Variants in CENPF observed in about 807,000 individuals in gnomAD.
The protein encoded by CENPF is centromere protein F.
CENPF carries 214 observed loss-of-function variants against 307.3 expected under a neutral mutation model. That is an observed-to-expected ratio of 0.70 (90% confidence interval 0.62 to 0.78). CENPF has a LOEUF of 0.78. CENPF is among the 30% of genes least tolerant of loss of function. The pLI, the probability that CENPF is intolerant of heterozygous loss-of-function variation, is 0.00. For synonymous variants in CENPF, 1,259 were observed against 1,270.6 expected (o/e 0.99, Z 0.19); for missense variants, 3,401 against 3,483.9 (o/e 0.98, Z 0.60).
chr1:214,609,829 A>G (rs934300608), intron 1 of CENPF, among the ~76,000 whole-genome samples: 2 of 152,138 alleles, frequency 1.3e-5, no homozygotes, highest in Admixed American at 6.5e-5. Context: ...GCTAAGGATA[A>G]TGGCCTCTAA....
chr1:214,618,269 C>G lies in CENPF; in HGVS notation c.360-304C>G, dbSNP rs2807665. Among the ~76,000 whole-genome samples, 4,205 of 152,242 alleles carry G rather than the reference C, an allele frequency of 0.028. 199 individuals are homozygous for G. The highest frequency in any genetic ancestry group is 0.096 in the African/African-American group (3,986 of 41,520). ...GATGAGATTTGGGTGGGAACACAGCCAAACCATATCACTGTCATAGTGGTT... is the reference window on the plus strand; with the variant it reads ...GATGAGATTTGGGTGGGAACACAGCGAAACCATATCACTGTCATAGTGGTT... On this transcript the variant is annotated intron_variant, in intron 3 of 19. Transcript: ENST00000366955.
chr1:214,618,421 T>C, intron 3 of CENPF, 152 bp from the exon 4 acceptor site: 1 of 937,972 alleles, frequency 1.1e-6, no homozygotes, highest in Non-Finnish European at 1.6e-6. Context: ...AGTTAGACCT[T>C]ATGAAATGCC....
chr1:214,623,390 A>G (rs1472584322), intron 7 of CENPF, among the ~76,000 whole-genome samples: 1 of 152,172 alleles, frequency 6.6e-6, no homozygotes, highest in Non-Finnish European at 1.5e-5. Context: ...TGCAAACACT[A>G]TACCATTTTA....
At position 214,630,789 on chromosome 1, in the gene CENPF, A is replaced by G. The variant is rs1006807532; in HGVS notation, c.1323+127A>G. The G allele has an allele frequency of 4.1e-6, 5 of 1,212,496 alleles. No individual in the cohort carries two copies. In the African/African-American group the frequency reaches 4.6e-5, roughly 11 times the overall value. The allele number at this position is 1,212,496 out of a possible 1,614,324, so 75.1% of individuals were successfully genotyped here. A position where few individuals can be genotyped will look rare whatever the true frequency, so the allele number is the denominator to read the frequency against. Reference sequence around the variant, plus strand: ...GCGCTCCACCTTCACTTTCCCTATCAAAGTGGAGAATGTACAGAACCATTC... The same window carrying G: ...GCGCTCCACCTTCACTTTCCCTATCGAAGTGGAGAATGTACAGAACCATTC... On this transcript the variant is annotated intron_variant, in intron 9 of 19. Transcript: ENST00000366955.
rs374794774 is a variant in CENPF, at chr1:214,615,216, G to A, written c.359+188G>A. On this transcript the variant is annotated intron_variant, in intron 3 of 19. Transcript: ENST00000366955. ...TTAAAAACAAACAAACAGTGATTTG[G>A]TTTTATCATTGCATAGCTCAGTACG... 4 of 453,434 alleles carry A rather than the reference G, an allele frequency of 8.8e-6. No homozygotes were observed. In the Admixed American group the frequency reaches 1.6e-4, roughly 18 times the overall value. 28.1% of individuals were successfully genotyped at this position (453,434 alleles called of 1,614,324 possible). A position where few individuals can be genotyped will look rare whatever the true frequency, so the allele number is the denominator to read the frequency against.
rs183326293 is a variant in CENPF, at chr1:214,617,345, G to A, written c.360-1228G>A. On this transcript the variant is annotated intron_variant, in intron 3 of 19. Transcript: ENST00000366955. ...TTACAGGCATGAGCCACTGGGCCCG[G>A]CATTACTTTCTTTACTTCCTGTTTT... is the stretch of plus-strand genomic sequence containing the variant. Among the ~76,000 whole-genome samples the A allele has an allele frequency of 2.7e-3, 405 of 152,258 alleles. 1 individual carries two copies. The highest frequency in any genetic ancestry group is 4.4e-3 in the Non-Finnish European group (300 of 68,022).
rs756840060 is a variant in CENPF at position 214,646,673 on chromosome 1, C to A, written c.7103C>A (p.Thr2368Asn). The change falls in exon 13 of 20, where the codon ACC (threonine) becomes AAC (asparagine). Residue 2368 changes from threonine (T) to asparagine (N), a missense_variant. By Grantham distance (65) the Thr-to-Asn change is moderately conservative (BLOSUM62 0). Coordinates refer to ENST00000366955, the MANE Select transcript of CENPF (RefSeq NM_016343.4). Reference protein sequence around the residue: ...EAENSKGEVETLKAKIEGMTQ... With the variant: ...EAENSKGEVENLKAKIEGMTQ... ...GAGAATTCCAAAGGAGAGGTAGAGA[C>A]CCTAAAAGCAAAAATAGAAGGGATG... The A allele has an allele frequency of 5.6e-6, 9 of 1,613,558 alleles. No individual in the cohort carries two copies. Among genetic ancestry groups the A allele is most frequent in the South Asian group, 2.2e-5 (2 of 91,046 alleles).
In CENPF at chr1:214,644,481, A is replaced by C. The variant is rs1380525651; in HGVS notation, c.4987-76A>C. ...AGAGGCCACGCATCAGTTTCTAAAA[A>C]GTAATAACTAAATCTATTCTATTTT... On this transcript the variant is annotated intron_variant, in intron 12 of 19. Coordinates refer to ENST00000366955, the MANE Select transcript of CENPF (RefSeq NM_016343.4). 1.0e-5 allele frequency: 14 copies of C among 1,391,526 alleles called. No individual in the cohort carries two copies. The African/African-American group carries it at 2.0e-4, about 20-fold the overall frequency. The allele number at this position is 1,391,526 out of a possible 1,614,324, so 86.2% of individuals were successfully genotyped here. A position where few individuals can be genotyped will look rare whatever the true frequency, so the allele number is the denominator to read the frequency against.
In CENPF at chr1:214,651,799, A is replaced by C. The variant is rs1558189573; in HGVS notation, c.8073A>C (p.Lys2691Asn). Residue 2691 changes from lysine to asparagine, a missense_variant, in exon 15 of 20, where the codon AAA becomes AAC. Lys to Asn is a moderately conservative substitution (Grantham distance 94). Coordinates refer to ENST00000366955, the MANE Select transcript of CENPF (RefSeq NM_016343.4). ...MHKDQVEKEG[K>N]VREEIAEYQL... is the part of the protein sequence containing the mutation. ...AAGACCAGGTGGAAAAGGAAGGGAA[A>C]GTGAGAGAGGAAATAGCTGAATATC... The C allele has an allele frequency of 1.2e-6, 2 of 1,613,798 alleles. No homozygotes were observed. The highest frequency in any genetic ancestry group is 1.7e-5 in the Admixed American group (1 of 59,950).
Position 214,646,125 on chromosome 1 carries a change from G to A in CENPF, c.6555G>A (p.Glu2185=). Reference sequence around the variant, plus strand: ...CCGAGAATTCCAAAGCAGAAGTAGAGACTCTAAAAACACAAATAGAAGAGA... The same window carrying A: ...CCGAGAATTCCAAAGCAGAAGTAGAAACTCTAAAAACACAAATAGAAGAGA... The part of the protein sequence containing the change: ...LDAENSKAEV[E]TLKTQIEEMA... The change falls in exon 13 of 20, where the codon GAG becomes GAA. Residue 2185 remains glutamate, a synonymous_variant. Transcript: ENST00000366955. The A allele has an allele frequency of 2.5e-6, 4 of 1,614,042 alleles. No individual in the cohort carries two copies. Among genetic ancestry groups the A allele is most frequent in the Non-Finnish European group, 3.4e-6 (4 of 1,180,030 alleles).
At chr1:214,663,504 T>G (rs1396055665) in intron 19 of CENPF, 87 bp from the exon 20 acceptor site, 24 of 1,321,588 alleles carry the variant, frequency 1.8e-5, no homozygotes, top group Non-Finnish European at 2.3e-5. Context: ...AGAACTTAAT[T>G]TAAAACTTAG....
At chr1:214,650,203 T>C (rs11801893) in intron 14 of CENPF, among the ~76,000 whole-genome samples, 8 of 151,952 alleles carry the variant, frequency 5.3e-5, no homozygotes, top group African/African-American at 1.9e-4. Flanking sequence ...CAGGCAGTGG[T>C]GGGGAGCCTT....
Position 214,651,774 on chromosome 1 carries a change from A to G in CENPF, c.8048A>G (p.Lys2683Arg), listed in dbSNP as rs376688044. ...ELKKSLDCMH[K>R]DQVEKEGKVR... ...AAGAAGAGCCTAGATTGCATGCACA[A>G]AGACCAGGTGGAAAAGGAAGGGAAA... The change falls in exon 15 of 20, where the codon AAA (lysine) becomes AGA (arginine). Residue 2683 changes from lysine (K) to arginine (R), a missense_variant. By Grantham distance (26) the Lys-to-Arg change is conservative (BLOSUM62 2). Transcript: ENST00000366955. 23 of 1,613,552 alleles carry G rather than the reference A, an allele frequency of 1.4e-5. No homozygotes were observed. Among genetic ancestry groups the G allele is most frequent in the African/African-American group, 2.7e-5 (2 of 74,976 alleles).
chr1:214,657,889 A>G (rs537539646), intron 18 of CENPF, among the ~76,000 whole-genome samples: 14 of 152,256 alleles, frequency 9.2e-5, no homozygotes, highest in Non-Finnish European at 1.9e-4. Context: ...ACTGTTTGTT[A>G]TTGGTTCCCA....
At chr1:214,648,359 T>C (rs2102570345) in intron 13 of CENPF, 3 of 447,054 alleles carry the variant, frequency 6.7e-6, no homozygotes, top group South Asian at 5.7e-5. Flanking sequence ...TGCCTGATAA[T>C]GATAATCTTT....
At chr1:214,638,125 G>A (rs768507102) in intron 11 of CENPF, 124 bp downstream of exon 11, 4 of 993,200 alleles carry the variant, frequency 4.0e-6, no homozygotes, top group Non-Finnish European at 5.7e-6. Flanking sequence ...TCAAAAAGAT[G>A]TGCGCAGTTG....
Position 214,652,896 on chromosome 1 carries a change from G to A in CENPF, c.8229G>A (p.Lys2743=), listed in dbSNP as rs141235225. ...AAGAAGAATGTCTCAGTTCACAGAA[G>A]CTGGAGATAGACCTTTTAAAGTCTA... ...TSKEECLSSQ[K]LEIDLLKSSK... is the part of the protein sequence containing the mutation. The change falls in exon 16 of 20, where the codon AAG becomes AAA. Residue 2743 remains lysine, a synonymous_variant. Coordinates refer to ENST00000366955, the MANE Select transcript of CENPF (RefSeq NM_016343.4). The A allele has an allele frequency of 7.5e-6, 12 of 1,608,840 alleles. No homozygotes were observed. The African/African-American group carries it at 1.6e-4, about 22-fold the overall frequency.
chr1:214,623,787 G>T (rs1571702518), intron 7 of CENPF, among the ~76,000 whole-genome samples: 1 of 152,114 alleles, frequency 6.6e-6, no homozygotes, highest in East Asian at 1.9e-4. Flanking sequence ...TCATTGCTTT[G>T]TGGAGCTTCA....
In CENPF at chr1:214,635,825, C is replaced by T. The variant is rs992370804; in HGVS notation, c.1447-2041C>T. On this transcript the variant is annotated intron_variant, in intron 10 of 19. Transcript: ENST00000366955. ...TCTCCAGTTATGGACAGACATGGAT[C>T]GAGACCAACAAACACATAAACATAA... 5.9e-5 allele frequency among the ~76,000 whole-genome samples: 9 copies of T among 152,202 alleles called. No individual in the cohort carries two copies. In the East Asian group the frequency reaches 1.4e-3, roughly 23 times the overall value.
Sources: allele counts gnomAD v4.1 joint callset (sites outside exome capture counted in the v4.1 genomes callset), GRCh38; gene constraint gnomAD v4.1.1; transcripts MANE v1.5; gene names NCBI Gene and HGNC (gene_info 2026-07-23, HGNC 2026-07-21).